The following TBC1D5 variants were observed in gnomAD, a reference collection of about 807,000 sequenced individuals.
TBC1D5 encodes TBC1 domain family member 5, also known as TBC1 domain family, member 5.
TBC1D5 carries 75 observed loss-of-function variants against 100.3 expected under a neutral mutation model. That is an observed-to-expected ratio of 0.75 (90% CI 0.62 to 0.91). TBC1D5 has a LOEUF of 0.91. Ranked by LOEUF, TBC1D5 falls within the 40% of genes least tolerant of loss-of-function variation. The probability of loss-of-function intolerance (pLI) is 0.00; values close to 1 mark genes in which losing one functional copy is unlikely to be tolerated. For synonymous variants in TBC1D5, 323 were observed against 325.6 expected (o/e 0.99, Z 0.09); for missense variants, 910 against 942.4 (o/e 0.97, Z 0.45).
chr3:17,169,265 T>C (rs12636508), intron 19 of TBC1D5, among the ~76,000 whole-genome samples: 33,572 of 152,240 alleles, frequency 0.22, 4,354 homozygotes, highest in East Asian at 0.57. Flanking sequence ...GAATAATGCC[T>C]GGTGCATTAC....
intron 3 of TBC1D5, among the ~76,000 whole-genome samples, chr3:17,496,409 A>ACACAAAT (rs2095707780): frequency 6.6e-6 from 1 of 152,136 alleles, no homozygotes; most frequent in South Asian, 2.1e-4. Context: ...CATGCTCTCC[A>ACACAAAT]CACAAATAAA....
chr3:17,513,958 A>G (rs553192255), intron 2 of TBC1D5, among the ~76,000 whole-genome samples: 7 of 152,322 alleles, frequency 4.6e-5, no homozygotes, highest in African/African-American at 1.7e-4. Flanking sequence ...AAATGTTGGT[A>G]GCTAAAGGTA....
chr3:17,202,794 G>A (rs1002014634), intron 18 of TBC1D5, among the ~76,000 whole-genome samples: 6 of 152,332 alleles, frequency 3.9e-5, no homozygotes, highest in Non-Finnish European at 5.9e-5. Flanking sequence ...GGTGTTGAGA[G>A]GACAAGAGTT....
intron 8 of TBC1D5, among the ~76,000 whole-genome samples, chr3:17,385,904 A>G (rs926791805): frequency 2.0e-5 from 3 of 152,078 alleles, no homozygotes; most frequent in African/African-American, 7.2e-5. Flanking sequence ...AAGAGTAAGC[A>G]TATGTCAGAG....
chr3:17,240,947 C>G (rs2076257465), intron 16 of TBC1D5, among the ~76,000 whole-genome samples: 1 of 152,170 alleles, frequency 6.6e-6, no homozygotes. Context: ...CAAGTTTATG[C>G]AGAGCAATTT....
intron 13 of TBC1D5, among the ~76,000 whole-genome samples, chr3:17,331,017 T>C (rs926229638): frequency 1.9e-4 from 29 of 152,188 alleles, no homozygotes; most frequent in Non-Finnish European, 4.3e-4. Flanking sequence ...TCATTTGGCC[T>C]ATTTGACTGC....
chr3:17,560,091 G>T (rs2096548872), intron 2 of TBC1D5, among the ~76,000 whole-genome samples: 1 of 152,040 alleles, frequency 6.6e-6, no homozygotes, highest in African/African-American at 2.4e-5. Context: ...AAAATACAAT[G>T]GCACCTATAG....
intron 1 of TBC1D5, chr3:17,705,959 G>A (rs1429457294): frequency 8.9e-6 from 12 of 1,342,494 alleles, no homozygotes; most frequent in East Asian, 2.5e-5. Flanking sequence ...CCTCCCGGGC[G>A]GCGCTCCTCA....
At chr3:17,420,927 GA>G (rs1291897051) in intron 4 of TBC1D5, among the ~76,000 whole-genome samples, 2 of 151,900 alleles carry the variant, frequency 1.3e-5, no homozygotes, top group African/African-American at 2.4e-5. Context: ...AAACAAACAT[GA>G]AAAAAAATTT....
intron 2 of TBC1D5, among the ~76,000 whole-genome samples, chr3:17,546,851 T>C (rs2096421152): frequency 6.6e-6 from 1 of 152,008 alleles, no homozygotes. Flanking sequence ...CTCTATTACA[T>C]TCCAAGTAAA....
chr3:17,596,700 CAAAAA>C (rs34625799), intron 2 of TBC1D5, among the ~76,000 whole-genome samples: 1 of 44,950 alleles, frequency 2.2e-5, no homozygotes, highest in South Asian at 7.9e-4. Flanking sequence ...GACTCCATCT[CAAAAA>C]AAAAAAAAAA....
intron 2 of TBC1D5, among the ~76,000 whole-genome samples, chr3:17,596,700 C>CAAAAAAAAAAAAAAA (rs34625799): frequency 4.4e-5 from 2 of 44,952 alleles, no homozygotes; most frequent in Non-Finnish European, 9.4e-5. Context: ...GACTCCATCT[C>CAAAAAAAAAAAAAAA]AAAAAAAAAA....
intron 13 of TBC1D5, among the ~76,000 whole-genome samples, chr3:17,350,159 G>T (rs2090387597): frequency 6.6e-6 from 1 of 151,884 alleles, no homozygotes; most frequent in Admixed American, 6.6e-5. Flanking sequence ...GTCATTGCTT[G>T]CTTAGCATGC....
At chr3:17,505,477 T>C (rs896705128) in intron 3 of TBC1D5, among the ~76,000 whole-genome samples, 20 of 152,234 alleles carry the variant, frequency 1.3e-4, no homozygotes, top group African/African-American at 4.3e-4. Context: ...TCTTTATAAA[T>C]TGCCAGCCTC....
At chr3:17,298,902 T>A (rs988552261) in intron 14 of TBC1D5, among the ~76,000 whole-genome samples, 3 of 152,164 alleles carry the variant, frequency 2.0e-5, no homozygotes, top group Admixed American at 2.0e-4. Context: ...TTAGGATGTG[T>A]TCTGAGACCC....
intron 17 of TBC1D5, among the ~76,000 whole-genome samples, chr3:17,237,476 G>T (rs2075953495): frequency 6.6e-6 from 1 of 152,152 alleles, no homozygotes; most frequent in Non-Finnish European, 1.5e-5. Flanking sequence ...TGAAGCTCTG[G>T]AAAGGCCCTA....
chr3:17,639,559 A>C (rs1381909520), intron 1 of TBC1D5, among the ~76,000 whole-genome samples: 2 of 152,076 alleles, frequency 1.3e-5, no homozygotes, highest in Admixed American at 1.3e-4. Flanking sequence ...ACCAAAGATA[A>C]CTTTTTGCGT....
intron 2 of TBC1D5, among the ~76,000 whole-genome samples, chr3:17,584,747 C>T (rs1232797044): frequency 2.0e-5 from 3 of 152,212 alleles, no homozygotes; most frequent in Admixed American, 6.5e-5. Flanking sequence ...ACCTCCACTT[C>T]CCGAGTTCAA....
chr3:17,609,933 A>T (rs1221757585), intron 2 of TBC1D5, among the ~76,000 whole-genome samples: 1 of 152,174 alleles, frequency 6.6e-6, no homozygotes, highest in Non-Finnish European at 1.5e-5. Flanking sequence ...TCAAACAAAC[A>T]ACTCATTATC....
Sources: gnomAD v4.1 joint callset for allele counts (sites outside exome capture counted in the v4.1 genomes callset) on GRCh38, gnomAD v4.1.1 for gene constraint, MANE v1.5 for transcripts, NCBI Gene and HGNC (gene_info 2026-07-23, HGNC 2026-07-21) for gene names.